Variants in HERC2 observed in about 807,000 individuals in gnomAD.
HERC2 encodes E3 ubiquitin-protein ligase HERC2.
Under a neutral mutation model 537.7 loss-of-function variants are expected in HERC2, and 102 were observed. The observed-to-expected ratio is 0.19, with a 90% CI of 0.16 to 0.22. The LOEUF is 0.22. HERC2 is among the 10% of genes least tolerant of loss of function. The pLI is 1.00. For synonymous variants in HERC2, 2,224 were observed against 2,466.2 expected, an observed-to-expected ratio of 0.90 and a Z score of 2.91; for missense variants, 4,236 against 6,198.2, an observed-to-expected ratio of 0.68 and a Z score of 10.63.
At chr15:28,217,128 A>G (rs938597099) in intron 38 of HERC2, among the ~76,000 whole-genome samples, 5 of 152,130 alleles carry the variant, frequency 3.3e-5, no homozygotes, top group African/African-American at 1.2e-4. Context: ...CCACCCACTC[A>G]TACTTCCTCA....
chr15:28,246,677 A>G, intron 22 of HERC2, 65 bp downstream of exon 22: 1 of 1,366,194 alleles, frequency 7.3e-7, no homozygotes, highest in Non-Finnish European at 9.9e-7. Flanking sequence ...ATCAGCAAAG[A>G]AGACACTTTA....
chr15:28,269,418 T>C lies in HERC2; in HGVS notation c.1276A>G (p.Ile426Val). The change falls in exon 11 of 93, where the codon ATA becomes GTA. Residue 426 changes from isoleucine to valine, a missense_variant. Physicochemically the swap from Ile to Val is conservative, Grantham distance 29 (BLOSUM62 3). Around this residue, in one of 27 missense-constraint regions of HERC2, gnomAD observed 491 missense variants for 559.3 expected, o/e 0.88. Transcript: ENST00000261609. ...TTCCATCCTATTAACCCCCAACCTA[T>C]GACCTCTTGCAATGATCCCTGTAAG... The part of the protein sequence containing the change: ...TSHKGSLQEV[I>V]GWGLIGWKYY... 6.2e-7 allele frequency: 1 copy of C among 1,613,552 alleles called. No individual in the cohort carries two copies. Among genetic ancestry groups the C allele is most frequent in the Non-Finnish European group, 8.5e-7 (1 of 1,179,504 alleles).
rs748468108 is a variant in HERC2, at chr15:28,214,247, C to T, written c.6384G>A (p.Val2128=). 9.3e-6 allele frequency: 15 copies of T among 1,611,548 alleles called. No individual in the cohort carries two copies. Among genetic ancestry groups the T allele is most frequent in the African/African-American group, 2.7e-5 (2 of 74,866 alleles). Residue 2128 remains valine, a synonymous_variant, in exon 41 of 93, where the codon GTG becomes GTA. Transcript: ENST00000261609. ...LRESTLRRRR[V]RPQASLTATH... ...TGGCAGTCAGCGAGGCCTGCGGGCG[C>T]ACCCTGCGCCGCCTCAGCGTGGACT...
intron 2 of HERC2, among the ~76,000 whole-genome samples, chr15:28,314,860 CA>C (rs1397037468): frequency 2.7e-5 from 2 of 73,628 alleles, no homozygotes; most frequent in Non-Finnish European, 1.2e-4. Flanking sequence ...GACTCCCTCT[CA>C]GGAAAAAAAA....
At chr15:28,244,802 C>T (rs1903497394) in intron 23 of HERC2, among the ~76,000 whole-genome samples, 1 of 152,146 alleles carries the variant, frequency 6.6e-6, no homozygotes, top group Admixed American at 6.5e-5. Flanking sequence ...AGGACAACTG[C>T]TACCTCTTGT....
chr15:28,183,038 T>C (rs545659186), intron 56 of HERC2, among the ~76,000 whole-genome samples: 1 of 152,282 alleles, frequency 6.6e-6, no homozygotes, highest in East Asian at 1.9e-4. Context: ...CATGTCCCAA[T>C]GTAAAATGCT....
intron 38 of HERC2, among the ~76,000 whole-genome samples, chr15:28,217,328 C>A (rs776877929): frequency 3.9e-5 from 6 of 152,164 alleles, no homozygotes; most frequent in African/African-American, 1.2e-4. Context: ...TACATGCTCT[C>A]ATGGACACAC....
intron 30 of HERC2, among the ~76,000 whole-genome samples, chr15:28,230,734 C>G (rs1901744856): frequency 6.6e-6 from 1 of 151,690 alleles, no homozygotes; most frequent in Non-Finnish European, 1.5e-5. Flanking sequence ...GCCCGGCAGC[C>G]AGCAAGCTCT....
chr15:28,213,794 T>A lies in HERC2; in HGVS notation c.6734A>T (p.Gln2245Leu), dbSNP rs768597586. ...GCGACACGTCCGCATGTCAGAGAAC[T>A]GCACGGTGATTTTGCCCTTTGGGGT... ...RITPKGKITV[Q>L]FSDMRTCRVC... Residue 2245 changes from glutamine to leucine, a missense_variant, in exon 42 of 93, where the codon CAG becomes CTG. Around this residue, in one of 27 missense-constraint regions of HERC2, gnomAD observed 67 missense variants for 140.1 expected, o/e 0.48. Coordinates refer to ENST00000261609, the MANE Select transcript of HERC2 (RefSeq NM_004667.6). The A allele has an allele frequency of 3.8e-5, 61 of 1,613,910 alleles. No homozygotes were observed. Among genetic ancestry groups the A allele is most frequent in the Admixed American group, 1.0e-4 (6 of 60,000 alleles).
At position 28,269,268 on chromosome 15, in the gene HERC2, C is replaced by A; in HGVS notation, c.1426G>T (p.Ala476Ser). Residue 476 changes from alanine to serine, a missense_variant, in exon 11 of 93, where the codon GCC becomes TCC. This residue lies in a region of HERC2 where 491 missense variants were observed against 559.3 expected (regional missense o/e 0.88). Transcript: ENST00000261609. Reference sequence around the variant, plus strand: ...CTCACCAGCGTGTCACTATTATAGGCCTGTGTGTACACGCGGCCATTGCGT... The same window carrying A: ...CTCACCAGCGTGTCACTATTATAGGACTGTGTGTACACGCGGCCATTGCGT... The part of the protein sequence containing the change: ...LSRNGRVYTQ[A>S]YNSDTLAPQL... 1 of 1,613,766 alleles carries A rather than the reference C, an allele frequency of 6.2e-7. No homozygotes were observed. The highest frequency in any genetic ancestry group is 8.5e-7 in the Non-Finnish European group (1 of 1,179,844).
In HERC2 at chr15:28,311,076, CAA is replaced by C. The variant is rs71132854; in HGVS notation, c.72+10284_72+10285del. Among the ~76,000 whole-genome samples, 12 of 29,286 alleles carry C rather than the reference CAA, an allele frequency of 4.1e-4. No individual in the cohort carries two copies. In the East Asian group the frequency reaches 5.5e-3, roughly 13 times the overall value. 19.2% of individuals were successfully genotyped at this position (29,286 alleles called of 152,430 possible). ...TGGGTGACAGAGTGGGACTGCATCT[CAA>C]AAAAAAAAAAAAAAAAAAAAAAAAA... is the stretch of plus-strand genomic sequence containing the variant. On this transcript the variant is annotated intron_variant, in intron 2 of 92. Transcript: ENST00000261609.
chr15:28,123,937 G>T, intron 85 of HERC2, 100 bp downstream of exon 85: 1 of 941,206 alleles, frequency 1.1e-6, no homozygotes, highest in Non-Finnish European at 1.5e-6. Context: ...TGCTGAATGA[G>T]CTGTATTCTA....
chr15:28,265,937 C>A lies in HERC2; in HGVS notation c.1636G>T (p.Gly546Ter). 1 of 1,614,178 alleles carries A rather than the reference C, an allele frequency of 6.2e-7. No individual in the cohort carries two copies. The highest frequency in any genetic ancestry group is 8.5e-7 in the Non-Finnish European group (1 of 1,180,036). Residue 546 changes from glycine to a stop codon, truncating the protein, a stop_gained, in exon 13 of 93, where the codon GGA becomes TGA. Transcript: ENST00000261609. LOFTEE classifies it high-confidence loss of function. The surrounding 1 kb of genome is among the most constrained non-coding windows in gnomAD (Gnocchi z 4.0). ...EEPKVISAFS[G>*]KQAGKHVVHI... The stretch of plus-strand genomic sequence containing the variant: ...ACCACGTGCTTCCCGGCCTGCTTTC[C>A]AGAGAAGGCGGAGATCACCTTAGGC...
rs567245861 is a variant in HERC2 at position 28,124,243 on chromosome 15, C to A, written c.12991-9G>T. 2.1e-6 allele frequency: 3 copies of A among 1,439,960 alleles called. No individual in the cohort carries two copies. In the South Asian group the frequency reaches 4.7e-5, roughly 23 times the overall value. 89.2% of individuals were successfully genotyped at this position (1,439,960 alleles called of 1,614,324 possible). ...TTGTACTCCATGGGGACCTAGAACA[C>A]AGAAATGGCCTTCAGCCCCTCAGGC... On this transcript the variant is annotated splice_polypyrimidine_tract_variant and intron_variant, in intron 84 of 92. Transcript: ENST00000261609.
intron 56 of HERC2, among the ~76,000 whole-genome samples, chr15:28,185,730 G>T (rs1026121109): frequency 4.6e-5 from 7 of 152,198 alleles, no homozygotes; most frequent in Non-Finnish European, 8.8e-5. Flanking sequence ...ACTTCTGTAC[G>T]TATGGCCTGG....
intron 3 of HERC2, among the ~76,000 whole-genome samples, chr15:28,296,696 A>C (rs1194003586): frequency 6.6e-6 from 1 of 152,050 alleles, no homozygotes; most frequent in South Asian, 2.1e-4. Context: ...ACATAAAAAA[A>C]AAAAAAAAAA....
rs954866383 is a variant in HERC2 at position 28,246,826 on chromosome 15, T to G, written c.3307A>C (p.Ile1103Leu). The change falls in exon 22 of 93, where the codon ATA becomes CTA. Residue 1103 changes from isoleucine (I) to leucine (L), a missense_variant. Physicochemically the swap from Ile to Leu is conservative, Grantham distance 5. Coordinates refer to ENST00000261609, the MANE Select transcript of HERC2 (RefSeq NM_004667.6). ...TALLCTHIGD[I>L]LPVAASIAST... ...GCAATGCTGGCGGCCACAGGCAGTA[T>G]ATCTCCAATGTGCGTGCACAGGAGG... is the stretch of plus-strand genomic sequence containing the variant. The G allele has an allele frequency of 1.2e-6, 2 of 1,610,980 alleles. No individual in the cohort carries two copies. The highest frequency in any genetic ancestry group is 1.7e-6 in the Non-Finnish European group (2 of 1,178,874).
intron 35 of HERC2, among the ~76,000 whole-genome samples, chr15:28,227,346 G>A (rs1901302364): frequency 6.6e-6 from 1 of 151,672 alleles, no homozygotes; most frequent in Non-Finnish European, 1.5e-5. Flanking sequence ...ATACACAAAT[G>A]GCCAACAAGC....
At chr15:28,266,738 G>T (rs1189651214) in intron 12 of HERC2, among the ~76,000 whole-genome samples, 1 of 152,174 alleles carries the variant, frequency 6.6e-6, no homozygotes, top group Non-Finnish European at 1.5e-5. Flanking sequence ...ACAGAGGGCA[G>T]ATCAGAGGTT....
Sources: gnomAD v4.1 joint callset for allele counts (sites outside exome capture counted in the v4.1 genomes callset) on GRCh38, gnomAD v4.1.1 for gene constraint, gnomAD v4.1.1 regional missense constraint, Gnocchi (gnomAD v3.1) non-coding constraint, MANE v1.5 for transcripts, NCBI Gene and HGNC (gene_info 2026-07-23, HGNC 2026-07-21) for gene names.